The following FBXL17 variants were observed in gnomAD, a reference collection of about 807,000 sequenced individuals.
FBXL17 encodes the protein F-box and leucine rich repeat protein 17.
A neutral mutation model predicts 66.2 loss-of-function variants in FBXL17; 22 were observed. That is an observed-to-expected ratio of 0.33 (90% confidence interval 0.24 to 0.47). The LOEUF (loss-of-function observed/expected upper bound fraction) is 0.47, where lower values mean the gene tolerates loss of function less well. FBXL17 is among the 20% of genes least tolerant of loss of function. FBXL17 has a pLI of 1.00. For missense variants in FBXL17, 878 were observed against 948.2 expected, an observed-to-expected ratio of 0.93 and a Z score of 0.97; for synonymous variants, 474 against 400.5, an observed-to-expected ratio of 1.18 and a Z score of -2.19.
intron 4 of FBXL17, among the ~76,000 whole-genome samples, chr5:108,283,220 C>T (rs1757768522): frequency 6.6e-6 from 1 of 151,728 alleles, no homozygotes; most frequent in Non-Finnish European, 1.5e-5. Context: ...AAGCACAAAG[C>T]TAGAGTCATC....
intron 8 of FBXL17, chr5:107,879,908 T>C: frequency 2.0e-6 from 2 of 985,452 alleles, no homozygotes; most frequent in Non-Finnish European, 2.4e-6. Flanking sequence ...AGACCCGGCA[T>C]GAAGTCTTGC....
intron 7 of FBXL17, among the ~76,000 whole-genome samples, chr5:107,919,274 C>T (rs1750233458): frequency 6.6e-6 from 1 of 152,162 alleles, no homozygotes; most frequent in South Asian, 2.1e-4. Context: ...TTAGCATGTC[C>T]TGTTGGCTCC....
chr5:108,194,134 A>G (rs541897466), intron 5 of FBXL17, among the ~76,000 whole-genome samples: 2 of 152,214 alleles, frequency 1.3e-5, no homozygotes, highest in Non-Finnish European at 1.5e-5. Flanking sequence ...AAGGCCCTCC[A>G]TTGTCCATCC....
intron 7 of FBXL17, among the ~76,000 whole-genome samples, chr5:107,892,669 A>T (rs1312972165): frequency 1.3e-5 from 2 of 152,148 alleles, no homozygotes; most frequent in African/African-American, 4.8e-5. Context: ...AAATCATGTA[A>T]AATTATGTGG....
chr5:107,888,110 C>A (rs188571020), intron 7 of FBXL17, among the ~76,000 whole-genome samples: 177 of 152,298 alleles, frequency 1.2e-3, no homozygotes, highest in African/African-American at 4.0e-3. Flanking sequence ...ACACTGACCA[C>A]ACTCTAAAAC....
chr5:108,141,258 G>C (rs1414526804), intron 6 of FBXL17, among the ~76,000 whole-genome samples: 14 of 152,074 alleles, frequency 9.2e-5, no homozygotes, highest in Admixed American at 8.5e-4. Flanking sequence ...CTCAGGTCCG[G>C]TGTTTTTCCC....
chr5:108,105,984 C>T (rs889098164), intron 6 of FBXL17, among the ~76,000 whole-genome samples: 3 of 152,052 alleles, frequency 2.0e-5, no homozygotes, highest in African/African-American at 7.2e-5. Flanking sequence ...TGGATCATCG[C>T]CGGAAAGCAA....
At chr5:108,243,769 C>G (rs577742420) in intron 4 of FBXL17, among the ~76,000 whole-genome samples, 5 of 152,112 alleles carry the variant, frequency 3.3e-5, no homozygotes, top group African/African-American at 1.2e-4. Context: ...CCATACAGAT[C>G]ACTTACCAAA....
At chr5:107,909,406 A>C (rs1749874641) in intron 7 of FBXL17, among the ~76,000 whole-genome samples, 1 of 152,158 alleles carries the variant, frequency 6.6e-6, no homozygotes, top group Non-Finnish European at 1.5e-5. Flanking sequence ...CAGAGCTTCA[A>C]ACCATAATTA....
chr5:108,316,821 G>A (rs1225363694), intron 4 of FBXL17, among the ~76,000 whole-genome samples: 2 of 150,852 alleles, frequency 1.3e-5, no homozygotes, highest in Non-Finnish European at 3.0e-5. Context: ...TTAGAGATCA[G>A]TAATCACTAA....
At chr5:108,195,067 G>C (rs761009996) in intron 5 of FBXL17, among the ~76,000 whole-genome samples, 17 of 152,074 alleles carry the variant, frequency 1.1e-4, no homozygotes, top group Non-Finnish European at 2.5e-4. Context: ...TTGTGTACCA[G>C]GAACTTCTCC....
intron 6 of FBXL17, among the ~76,000 whole-genome samples, chr5:108,120,287 G>A (rs1248752587): frequency 6.6e-6 from 1 of 152,140 alleles, no homozygotes; most frequent in African/African-American, 2.4e-5. Context: ...TTATAAGATG[G>A]AAGTTCTGTA....
At chr5:108,181,728 A>C (rs1348444984) in intron 6 of FBXL17, among the ~76,000 whole-genome samples, 1 of 152,184 alleles carries the variant, frequency 6.6e-6, no homozygotes, top group African/African-American at 2.4e-5. Flanking sequence ...TATTGTATAT[A>C]AATTAATATC....
intron 4 of FBXL17, among the ~76,000 whole-genome samples, chr5:108,286,892 T>C (rs543718094): frequency 6.6e-6 from 1 of 151,994 alleles, no homozygotes; most frequent in Non-Finnish European, 1.5e-5. Flanking sequence ...ACTACAAGGC[T>C]ATGGTAACCA....
chr5:108,327,662 C>T (rs1028225680), intron 4 of FBXL17, among the ~76,000 whole-genome samples: 1 of 152,076 alleles, frequency 6.6e-6, no homozygotes, highest in Non-Finnish European at 1.5e-5. Context: ...TATGACTCTT[C>T]CAGAAATTCC....
In FBXL17 at chr5:108,113,733, G is replaced by A. The variant is rs1580459165; in HGVS notation, c.1745+72384C>T. 2.6e-5 allele frequency among the ~76,000 whole-genome samples: 4 copies of A among 152,078 alleles called. No homozygotes were observed. The East Asian group carries it at 7.8e-4, about 29-fold the overall frequency. ...TAAATTGGTAAAATACCTAAATTTA[G>A]GTATTTTAAAATTCTCTTTTCTTGT... is the stretch of plus-strand genomic sequence containing the variant. On this transcript the variant is annotated intron_variant, in intron 6 of 8. Transcript: ENST00000542267.
chr5:108,171,188 A>C (rs1220141791), intron 6 of FBXL17, among the ~76,000 whole-genome samples: 1 of 152,190 alleles, frequency 6.6e-6, no homozygotes, highest in Non-Finnish European at 1.5e-5. Flanking sequence ...ATGTTATTTT[A>C]TTGTAATATT....
chr5:108,120,801 T>C (rs1230388028), intron 6 of FBXL17, among the ~76,000 whole-genome samples: 4 of 152,088 alleles, frequency 2.6e-5, no homozygotes, highest in Non-Finnish European at 5.9e-5. Context: ...AGCAAGACTC[T>C]GTCTCTAAAT....
At position 107,869,343 on chromosome 5, in the gene FBXL17, C is replaced by T. The variant is rs75254131; in HGVS notation, c.1966-7483G>A. ...TTCACCAGGTGCCAGCAAAAGTCAT[C>T]GTGAACAATGCATATTCAAACGGAC... On this transcript the variant is annotated intron_variant, in intron 8 of 8. Coordinates refer to ENST00000542267, the MANE Select transcript of FBXL17 (RefSeq NM_001163315.3). Among the ~76,000 whole-genome samples, 35 of 152,234 alleles carry T rather than the reference C, an allele frequency of 2.3e-4. No individual in the cohort carries two copies. In the East Asian group the frequency reaches 6.6e-3, roughly 29 times the overall value.
Sources: gnomAD v4.1 joint callset for allele counts (sites outside exome capture counted in the v4.1 genomes callset) on GRCh38, gnomAD v4.1.1 for gene constraint, MANE v1.5 for transcripts, NCBI Gene and HGNC (gene_info 2026-07-23, HGNC 2026-07-21) for gene names.